ZNF433: variants seen among roughly 807,000 people sequenced by gnomAD.
The protein encoded by ZNF433 is zinc finger protein 433.
Under a neutral mutation model 10.6 loss-of-function variants are expected in ZNF433, and 12 were observed. That is an observed-to-expected ratio of 1.13 (90% CI 0.72 to 1.83). The LOEUF is 1.83. ZNF433 is among the 40% of genes most tolerant of loss of function. The pLI is 0.00. For synonymous variants in ZNF433, 272 were observed against 271.3 expected (o/e 1.00, Z -0.02); for missense variants, 737 against 798.0 (o/e 0.92, Z 0.92).
intron 1 of ZNF433, among the ~76,000 whole-genome samples, chr19:12,022,798 A>G (rs758039523): frequency 9.9e-5 from 15 of 152,222 alleles, no homozygotes; most frequent in Non-Finnish European, 2.9e-5. Context: ...GGAAGAGTCC[A>G]TCCCTACCCT....
intron 1 of ZNF433, among the ~76,000 whole-genome samples, chr19:12,030,404 T>C (rs888026349): frequency 6.6e-6 from 1 of 151,942 alleles, no homozygotes; most frequent in Non-Finnish European, 1.5e-5. Flanking sequence ...CTATTTTTAG[T>C]AGAGACAGGC....
rs1974191734 is a variant in ZNF433, at chr19:12,016,245, TC to T, written c.612del (p.Met205CysfsTer463). On this transcript the variant is annotated frameshift_variant, in exon 4 of 4. Coordinates refer to ENST00000550507, the MANE Select transcript of ZNF433 (RefSeq NM_001308348.2). LOFTEE classifies it low-confidence loss of function (END_TRUNC). ...TGGATAAGATACAAACTGAGAAACA[TC>T]AAGGCTTTCCCACAAAATTTACACT... Reference protein sequence around the residue: ...PYKCKFCGKALMFLSLYLIHK... With the variant: ...PYKCKFCGKAXMFLSLYLIHK... The T allele has an allele frequency of 1.2e-6, 2 of 1,614,180 alleles. No homozygotes were observed. The highest frequency in any genetic ancestry group is 1.7e-6 in the Non-Finnish European group (2 of 1,180,018).
intron 3 of ZNF433, among the ~76,000 whole-genome samples, chr19:12,017,478 C>T (rs1317147081): frequency 6.6e-6 from 1 of 152,238 alleles, no homozygotes; most frequent in Non-Finnish European, 1.5e-5. Flanking sequence ...GCTGGGATTA[C>T]AGGCGTGAGC....
At chr19:12,024,138 T>C (rs1390313508) in intron 1 of ZNF433, 1 of 152,052 alleles carries the variant, frequency 6.6e-6, no homozygotes, top group Non-Finnish European at 1.5e-5. Context: ...CTCCAACATT[T>C]CCCCCTTGGA....
chr19:12,033,587 C>A (rs926296870), intron 1 of ZNF433, among the ~76,000 whole-genome samples: 1 of 151,654 alleles, frequency 6.6e-6, no homozygotes, highest in Non-Finnish European at 1.5e-5. Context: ...CTTTGGGAGG[C>A]CAAGGCGGGT....
intron 3 of ZNF433, among the ~76,000 whole-genome samples, chr19:12,017,502 G>A (rs157184): frequency 7.2e-5 from 11 of 151,798 alleles, no homozygotes; most frequent in South Asian, 2.1e-4. Flanking sequence ...CACGCCTGGC[G>A]TCTCTGAGTA....
intron 2 of ZNF433, 71 bp downstream of exon 2, chr19:12,018,095 A>C: frequency 6.7e-7 from 1 of 1,494,032 alleles, no homozygotes; most frequent in Non-Finnish European, 8.9e-7. Context: ...TGAGCTAAAA[A>C]TACTTGTTCT....
chr19:12,032,160 G>A (rs1031071732), intron 1 of ZNF433, among the ~76,000 whole-genome samples: 3 of 151,802 alleles, frequency 2.0e-5, no homozygotes, highest in Admixed American at 6.6e-5. Context: ...GGATGGTCTC[G>A]ATCTCCTGAC....
chr19:12,035,488 T>C lies in ZNF433; in HGVS notation c.3+49A>G, dbSNP rs1456827245. 4 of 1,557,862 alleles carry C rather than the reference T, an allele frequency of 2.6e-6. No individual in the cohort carries two copies. The Admixed American group carries it at 7.7e-5, about 30-fold the overall frequency. On this transcript the variant is annotated intron_variant, in intron 1 of 3. Coordinates refer to ENST00000550507, the MANE Select transcript of ZNF433 (RefSeq NM_001308348.2). ...TCCCACCACAGCCGGTTCCGGCCGG[T>C]TCCAACCAGCTCCTCCCCCGCCTCG... is the stretch of plus-strand genomic sequence containing the variant.
rs1225937906 is a variant in ZNF433, at chr19:12,015,333, C to A, written c.1525G>T (p.Gly509Cys). 1 of 1,613,720 alleles carries A rather than the reference C, an allele frequency of 6.2e-7. No individual in the cohort carries two copies. Among genetic ancestry groups the A allele is most frequent in the Non-Finnish European group, 8.5e-7 (1 of 1,179,994 alleles). The change falls in exon 4 of 4, where the codon GGC (glycine) becomes TGC (cysteine). Residue 509 changes from glycine to cysteine, a missense_variant. Transcript: ENST00000550507. Reference protein sequence around the residue: ...GGKTYECKQCGRSFNCSSSFR... With the variant: ...GGKTYECKQCCRSFNCSSSFR... ...GAGCTCGAACAGTTGAAGGATCTGC[C>A]ACACTGCTTGCATTCATAGGTTTTT...
chr19:12,026,832 C>T, intron 1 of ZNF433: 1 of 454,020 alleles, frequency 2.2e-6, no homozygotes, highest in Non-Finnish European at 4.4e-6. Flanking sequence ...CATGGCCACA[C>T]TATGTTCAGC....
chr19:12,026,887 G>T (rs1005617461), intron 1 of ZNF433: 7 of 453,994 alleles, frequency 1.5e-5, no homozygotes, highest in Non-Finnish European at 2.6e-5. Context: ...TAAGAAGTAT[G>T]GCAAGAGTTC....
At chr19:12,021,655 T>G (rs147787440) in intron 1 of ZNF433, among the ~76,000 whole-genome samples, 19 of 152,340 alleles carry the variant, frequency 1.2e-4, no homozygotes, top group East Asian at 7.7e-4. Context: ...AATAAAGCCT[T>G]CCTTGATATT....
At chr19:12,027,069 C>A in intron 1 of ZNF433, 1 of 447,938 alleles carries the variant, frequency 2.2e-6, no homozygotes, top group Non-Finnish European at 4.4e-6. Flanking sequence ...TTGGATATTG[C>A]AAAATTAAAA....
intron 1 of ZNF433, among the ~76,000 whole-genome samples, chr19:12,033,157 G>A (rs1021016654): frequency 7.9e-5 from 12 of 151,634 alleles, no homozygotes; most frequent in Admixed American, 5.3e-4. Flanking sequence ...GCAGTGGTGC[G>A]ATGTCCGCTC....
In ZNF433 at chr19:12,015,839, C is replaced by A; in HGVS notation, c.1019G>T (p.Cys340Phe). ...SRKKPYECKHCGKVLSYLTSF... is the reference protein window; with the variant it reads ...SRKKPYECKHFGKVLSYLTSF... ...GGTAAGATAAGATAATACTTTCCCA[C>A]AATGTTTACATTCATAGGGTTTTTT... Residue 340 changes from cysteine (C) to phenylalanine (F), a missense_variant, in exon 4 of 4, where the codon TGT (cysteine) becomes TTT (phenylalanine). By Grantham distance (205) the Cys-to-Phe change is radical. Coordinates refer to ENST00000550507, the MANE Select transcript of ZNF433 (RefSeq NM_001308348.2). The A allele has an allele frequency of 1.9e-6, 3 of 1,614,148 alleles. No individual in the cohort carries two copies. Among genetic ancestry groups the A allele is most frequent in the Non-Finnish European group, 2.5e-6 (3 of 1,180,020 alleles).
intron 1 of ZNF433, chr19:12,023,859 C>T (rs1274639832): frequency 1.3e-5 from 2 of 151,886 alleles, no homozygotes; most frequent in Non-Finnish European, 2.9e-5. Flanking sequence ...TTATATAGCC[C>T]TGAAAGTCAA....
At chr19:12,032,922 C>T (rs567008172) in intron 1 of ZNF433, among the ~76,000 whole-genome samples, 4 of 152,198 alleles carry the variant, frequency 2.6e-5, no homozygotes, top group East Asian at 3.9e-4. Context: ...AAGACAAACC[C>T]ACAGAGGGGC....
chr19:12,023,064 T>A (rs1974572411), intron 1 of ZNF433: 1 of 152,202 alleles, frequency 6.6e-6, no homozygotes, highest in Non-Finnish European at 1.5e-5. Flanking sequence ...GCCTTTTCCT[T>A]TTAAATTTGG....
Sources: allele counts gnomAD v4.1 joint callset (sites outside exome capture counted in the v4.1 genomes callset), GRCh38; gene constraint gnomAD v4.1.1; transcripts MANE v1.5; gene names NCBI Gene and HGNC (gene_info 2026-07-23, HGNC 2026-07-21).